Variants in TMCC1 observed in about 807,000 individuals in gnomAD.
TMCC1 encodes the protein transmembrane and coiled-coil domains protein 1.
TMCC1 carries 15 observed loss-of-function variants against 52.4 expected under a neutral mutation model. That is an observed-to-expected ratio of 0.29 (90% CI 0.19 to 0.44). The LOEUF is 0.44. Ranked by LOEUF, TMCC1 falls within the 20% of genes least tolerant of loss-of-function variation. TMCC1 has a pLI of 1.00. For synonymous variants in TMCC1, 279 were observed against 301.9 expected, an observed-to-expected ratio of 0.92 and a Z score of 0.79; for missense variants, 503 against 806.0, an observed-to-expected ratio of 0.62 and a Z score of 4.55.
At chr3:129,846,865 A>C (rs1327080168) in intron 2 of TMCC1, among the ~76,000 whole-genome samples, 1 of 52,430 alleles carries the variant, frequency 1.9e-5, no homozygotes, top group Non-Finnish European at 3.4e-5. Flanking sequence ...CTCAATCTCT[A>C]CTAAAAAAAA....
intron 1 of TMCC1, among the ~76,000 whole-genome samples, chr3:129,881,108 T>G (rs1028406689): frequency 3.9e-5 from 6 of 152,008 alleles, no homozygotes; most frequent in African/African-American, 1.4e-4. Flanking sequence ...ATGATCCCCC[T>G]GCCTCGGCCT....
chr3:129,720,791 C>A (rs1450934562), intron 4 of TMCC1, among the ~76,000 whole-genome samples: 1 of 152,108 alleles, frequency 6.6e-6, no homozygotes, highest in African/African-American at 2.4e-5. Context: ...AACTCCTGGG[C>A]TCAAGCGATT....
intron 4 of TMCC1, 137 bp downstream of exon 4, chr3:129,827,666 T>C (rs1335803717): frequency 2.9e-6 from 3 of 1,042,380 alleles, no homozygotes; most frequent in Non-Finnish European, 4.1e-6. Context: ...TTTACCCATT[T>C]GAAAAGGGGA....
intron 4 of TMCC1, among the ~76,000 whole-genome samples, chr3:129,707,080 G>A (rs1698786022): frequency 6.6e-6 from 1 of 152,156 alleles, no homozygotes; most frequent in Non-Finnish European, 1.5e-5. Context: ...AGATTTAGAA[G>A]TTGGTGATGA....
intron 4 of TMCC1, among the ~76,000 whole-genome samples, chr3:129,777,370 C>A (rs2055125032): frequency 6.6e-6 from 1 of 152,146 alleles, no homozygotes; most frequent in South Asian, 2.1e-4. Flanking sequence ...ATTTGAAAAT[C>A]CGTATCTATT....
chr3:129,658,793 T>C (rs1224013159), intron 5 of TMCC1, among the ~76,000 whole-genome samples: 1 of 152,204 alleles, frequency 6.6e-6, no homozygotes, highest in Non-Finnish European at 1.5e-5. Flanking sequence ...AGAGCTCATG[T>C]AATGAGGGGG....
rs2058754038 is a variant in TMCC1 at position 129,828,462 on chromosome 3, C to T, written c.-84G>A. The T allele has an allele frequency of 7.6e-7, 1 of 1,309,510 alleles. No homozygotes were observed. Among genetic ancestry groups the T allele is most frequent in the Non-Finnish European group, 1.1e-6 (1 of 936,410 alleles). The allele number at this position is 1,309,510 out of a possible 1,614,324, so 81.1% of individuals were successfully genotyped here. On this transcript the variant is annotated 5_prime_UTR_variant, in exon 4 of 7. The change abolishes the stop of an existing upstream ORF in the 5' untranslated region. Coordinates refer to ENST00000393238, the MANE Select transcript of TMCC1 (RefSeq NM_001017395.5). This position sits in a 1 kb window ranked among gnomAD's most constrained non-coding sequence, Gnocchi z 4.1. ...TGTCAAATTAGGTAGGCATTTGCTT[C>T]AACAGTGACTACGCATGCAGCTGTG...
At chr3:129,759,710 C>CTTTTTTTTTTTTTTT (rs61519484) in intron 4 of TMCC1, among the ~76,000 whole-genome samples, 2 of 37,194 alleles carry the variant, frequency 5.4e-5, no homozygotes, top group African/African-American at 2.2e-4. Flanking sequence ...GCCAGCCAAA[C>CTTTTTTTTTTTTTTT]TTTTTTTTTT....
chr3:129,881,820 C>G (rs1445448492), intron 1 of TMCC1, among the ~76,000 whole-genome samples: 1 of 151,786 alleles, frequency 6.6e-6, no homozygotes, highest in Non-Finnish European at 1.5e-5. Flanking sequence ...AAAATGAAAC[C>G]CAAAATATAA....
Position 129,670,942 on chromosome 3 carries a change from T to C in TMCC1, c.899A>G (p.Glu300Gly), listed in dbSNP as rs1401722853. ...QTILQLQKKL[E>G]HYHRKLREVE... ...CTCTCTGAGCTTCCTGTGGTAGTGC[T>C]CAAGTTTCTTTTGCAGCTGGAGGAT... The change falls in exon 5 of 7, where the codon GAG becomes GGG. Residue 300 changes from glutamate (E) to glycine (G), a missense_variant. Transcript: ENST00000393238. 6.2e-7 allele frequency: 1 copy of C among 1,614,230 alleles called. No homozygotes were observed.
At chr3:129,742,782 G>T (rs1463220286) in intron 4 of TMCC1, among the ~76,000 whole-genome samples, 1 of 152,124 alleles carries the variant, frequency 6.6e-6, no homozygotes, top group African/African-American at 2.4e-5. Flanking sequence ...CTGATAAATG[G>T]ATAAAATGTG....
chr3:129,670,439 C>G lies in TMCC1; in HGVS notation c.1402G>C (p.Glu468Gln). ...AGTCTGGCCTGGGTTTCCCGGATCT[C>G]CTGGATCTCATGTAGTAGTGCATCA... ...GFDALLHEIQ[E>Q]IRETQARLEE... Residue 468 changes from glutamate to glutamine, a missense_variant, in exon 5 of 7, where the codon GAG (glutamate) becomes CAG (glutamine). Glu to Gln is a conservative substitution (Grantham distance 29). Coordinates refer to ENST00000393238, the MANE Select transcript of TMCC1 (RefSeq NM_001017395.5). 1 of 1,614,182 alleles carries G rather than the reference C, an allele frequency of 6.2e-7. No individual in the cohort carries two copies. Among genetic ancestry groups the G allele is most frequent in the Non-Finnish European group, 8.5e-7 (1 of 1,180,026 alleles).
chr3:129,651,245 G>T lies in TMCC1; in HGVS notation c.*236C>A. The stretch of plus-strand genomic sequence containing the variant: ...ACTGTTTTAAGATTTGCATCCCAAG[G>T]AAAATCATGCTACATAAAAATGATC... On this transcript the variant is annotated 3_prime_UTR_variant, in exon 7 of 7. Coordinates refer to ENST00000393238, the MANE Select transcript of TMCC1 (RefSeq NM_001017395.5). This position sits in a 1 kb window ranked among gnomAD's most constrained non-coding sequence, Gnocchi z 5.1. The T allele has an allele frequency of 1.9e-6, 1 of 516,404 alleles. No homozygotes were observed. Among genetic ancestry groups the T allele is most frequent in the Non-Finnish European group, 3.4e-6 (1 of 293,028 alleles). The allele number at this position is 516,404 out of a possible 1,614,324, so 32.0% of individuals were successfully genotyped here. A position where few individuals can be genotyped will look rare whatever the true frequency, so the allele number is the denominator to read the frequency against.
chr3:129,779,508 GTAGT>G (rs2055338014), intron 4 of TMCC1, among the ~76,000 whole-genome samples: 1 of 152,120 alleles, frequency 6.6e-6, no homozygotes, highest in Non-Finnish European at 1.5e-5. Context: ...CATTTATGTG[GTAGT>G]TAGTCCTTTG....
At chr3:129,857,301 C>A (rs1389231326) in intron 2 of TMCC1, 1 of 152,210 alleles carries the variant, frequency 6.6e-6, no homozygotes, top group Non-Finnish European at 1.5e-5. Context: ...AACCTCCTTA[C>A]ATACAGCCCA....
intron 4 of TMCC1, among the ~76,000 whole-genome samples, chr3:129,816,658 G>T (rs149674774): frequency 6.6e-6 from 1 of 152,082 alleles, no homozygotes; most frequent in African/African-American, 2.4e-5. Flanking sequence ...AGAAATAGAA[G>T]AAATAAGACC....
intron 4 of TMCC1, among the ~76,000 whole-genome samples, chr3:129,712,434 C>A (rs1188998555): frequency 1.3e-5 from 2 of 152,134 alleles, no homozygotes; most frequent in Non-Finnish European, 1.5e-5. Context: ...AAGTCTCTTT[C>A]TGAAAGAAAA....
chr3:129,688,601 T>C (rs2089583428), intron 4 of TMCC1: 1 of 985,528 alleles, frequency 1.0e-6, no homozygotes, highest in Non-Finnish European at 1.2e-6. Flanking sequence ...TTCTATCTCC[T>C]GTAGCAACTC....
intron 4 of TMCC1, among the ~76,000 whole-genome samples, chr3:129,712,029 T>TAAAAA (rs2048736518): frequency 1.1e-5 from 1 of 91,606 alleles, no homozygotes. Context: ...AAAAAAAAAT[T>TAAAAA]AGCCAGGGAT....
Sources: allele counts gnomAD v4.1 joint callset (sites outside exome capture counted in the v4.1 genomes callset), GRCh38; gene constraint gnomAD v4.1.1; non-coding constraint Gnocchi (gnomAD v3.1); transcripts MANE v1.5; gene names NCBI Gene and HGNC (gene_info 2026-07-23, HGNC 2026-07-21).